Variants in DPP10 observed in about 807,000 individuals in gnomAD.
DPP10 encodes dipeptidyl peptidase like 10, also known as inactive dipeptidyl peptidase 10.
A neutral mutation model predicts 120.9 loss-of-function variants in DPP10; 33 were observed. The ratio of observed to expected loss-of-function variants is 0.27; its 90% confidence interval spans 0.21 to 0.37. The LOEUF (loss-of-function observed/expected upper bound fraction) is 0.37. Ranked by LOEUF, DPP10 falls within the 10% of genes least tolerant of loss-of-function variation. DPP10 has a pLI of 1.00. For synonymous variants in DPP10, 337 were observed against 326.1 expected, an observed-to-expected ratio of 1.03 and a Z score of -0.36; for missense variants, 816 against 942.8, an observed-to-expected ratio of 0.87 and a Z score of 1.76.
intron 1 of DPP10, among the ~76,000 whole-genome samples, chr2:114,594,087 T>C (rs969554846): frequency 6.6e-6 from 1 of 151,982 alleles, no homozygotes; most frequent in South Asian, 2.1e-4. Flanking sequence ...AACATTTGAG[T>C]CAGTGGGCTG....
chr2:114,971,943 C>T (rs755716360), intron 1 of DPP10, among the ~76,000 whole-genome samples: 5 of 152,220 alleles, frequency 3.3e-5, no homozygotes, highest in South Asian at 2.1e-4. Context: ...TGGATGGTGA[C>T]GAAAATCAAG....
intron 1 of DPP10, among the ~76,000 whole-genome samples, chr2:115,301,747 C>CT (rs1559388536): frequency 6.6e-6 from 1 of 151,834 alleles, no homozygotes; most frequent in South Asian, 2.1e-4. Context: ...TGTATTTTGT[C>CT]TTTTTTAGTA....
intron 2 of DPP10, among the ~76,000 whole-genome samples, chr2:115,316,350 C>T (rs183965370): frequency 3.7e-4 from 56 of 152,176 alleles, no homozygotes; most frequent in Admixed American, 3.5e-3. Flanking sequence ...TATTCTTGTG[C>T]CCATGGATGA....
chr2:115,294,461 T>G (rs2060795610), intron 1 of DPP10, among the ~76,000 whole-genome samples: 1 of 152,068 alleles, frequency 6.6e-6, no homozygotes, highest in Non-Finnish European at 1.5e-5. Context: ...CTTTTGTAAA[T>G]TTACATCTAG....
At chr2:115,307,530 C>T (rs761021848) in intron 1 of DPP10, among the ~76,000 whole-genome samples, 2 of 152,072 alleles carry the variant, frequency 1.3e-5, no homozygotes, top group Admixed American at 6.6e-5. Context: ...GGCCCAGATA[C>T]CCATTCGCTG....
At chr2:114,627,755 C>T (rs1348568559) in intron 1 of DPP10, among the ~76,000 whole-genome samples, 1 of 152,032 alleles carries the variant, frequency 6.6e-6, no homozygotes, top group Non-Finnish European at 1.5e-5. Flanking sequence ...ACCAGAAACT[C>T]CCTAGGTAGC....
intron 1 of DPP10, among the ~76,000 whole-genome samples, chr2:115,068,391 C>T (rs753049575): frequency 9.9e-5 from 15 of 151,930 alleles, no homozygotes; most frequent in South Asian, 2.1e-4. Flanking sequence ...CTGTCTCTTC[C>T]GATCCTTTGC....
chr2:115,652,413 G>GTATGTA (rs199775932), intron 5 of DPP10, among the ~76,000 whole-genome samples: 2 of 147,550 alleles, frequency 1.4e-5, no homozygotes, highest in African/African-American at 5.0e-5. Flanking sequence ...ATATATATGT[G>GTATGTA]TGTGTGTGTG....
In DPP10 at chr2:114,998,112, T is replaced by TA. The variant is rs574264716; in HGVS notation, c.61-311126dup. On this transcript the variant is annotated intron_variant, in intron 1 of 25. Transcript: ENST00000410059. The stretch of plus-strand genomic sequence containing the variant: ...TGATAAGCAATCATCTTCTTACACT[T>TA]ATTTGCACATAAGTACTTAACAGCA... Among the ~76,000 whole-genome samples the TA allele has an allele frequency of 1.4e-4, 22 of 152,292 alleles. No individual in the cohort carries two copies. The South Asian group carries it at 4.1e-3, about 29-fold the overall frequency.
chr2:115,142,764 A>C (rs2050999286), intron 1 of DPP10, among the ~76,000 whole-genome samples: 1 of 152,148 alleles, frequency 6.6e-6, no homozygotes, highest in Non-Finnish European at 1.5e-5. Flanking sequence ...AGGAAGAGAC[A>C]GCTACAGTGC....
intron 3 of DPP10, among the ~76,000 whole-genome samples, chr2:115,445,390 T>G (rs1476385357): frequency 6.6e-6 from 1 of 152,074 alleles, no homozygotes; most frequent in Non-Finnish European, 1.5e-5. Flanking sequence ...CAGGAAGATA[T>G]GGAAAAATTT....
At chr2:115,475,645 G>T (rs1326674103) in intron 3 of DPP10, among the ~76,000 whole-genome samples, 1 of 152,182 alleles carries the variant, frequency 6.6e-6, no homozygotes, top group Admixed American at 6.5e-5. Context: ...ATTTAGCCTG[G>T]AAGAGCCACA....
intron 1 of DPP10, among the ~76,000 whole-genome samples, chr2:114,891,528 G>C (rs1692543610): frequency 6.6e-6 from 1 of 152,210 alleles, no homozygotes; most frequent in Non-Finnish European, 1.5e-5. Flanking sequence ...CAAGTAGGCA[G>C]ACTTGCAGAA....
At chr2:114,478,494 G>A (rs1008018369) in intron 1 of DPP10, among the ~76,000 whole-genome samples, 1 of 151,982 alleles carries the variant, frequency 6.6e-6, no homozygotes, top group South Asian at 2.1e-4. Flanking sequence ...TTCCTCCTAA[G>A]GTTTGTAATA....
chr2:115,726,052 T>C (rs1385405141), intron 7 of DPP10, among the ~76,000 whole-genome samples: 3 of 152,192 alleles, frequency 2.0e-5, no homozygotes, highest in Non-Finnish European at 4.4e-5. Flanking sequence ...GCTTATTTCC[T>C]ATTTCATTGT....
chr2:114,783,442 A>G (rs1359564311), intron 1 of DPP10, among the ~76,000 whole-genome samples: 2 of 152,172 alleles, frequency 1.3e-5, no homozygotes, highest in African/African-American at 4.8e-5. Context: ...AGTGCGTTAA[A>G]ACAATTTACC....
chr2:114,574,890 G>A (rs557848147), intron 1 of DPP10, among the ~76,000 whole-genome samples: 3 of 152,286 alleles, frequency 2.0e-5, no homozygotes, highest in South Asian at 2.1e-4. Context: ...AGGGCACAGC[G>A]AGGCAGGCTG....
chr2:115,597,675 C>T (rs1214834590), intron 5 of DPP10, among the ~76,000 whole-genome samples: 2 of 151,458 alleles, frequency 1.3e-5, no homozygotes, highest in Non-Finnish European at 2.9e-5. Context: ...AACTGTAGTG[C>T]TCACTCCTCA....
chr2:115,739,105 T>C (rs555217260), intron 8 of DPP10, among the ~76,000 whole-genome samples: 5 of 152,176 alleles, frequency 3.3e-5, no homozygotes, highest in Middle Eastern at 3.4e-3. Flanking sequence ...TGAGGTAACA[T>C]TGTAGGATAG....
Sources: allele counts gnomAD v4.1 joint callset (sites outside exome capture counted in the v4.1 genomes callset), GRCh38; gene constraint gnomAD v4.1.1; transcripts MANE v1.5; gene names NCBI Gene and HGNC (gene_info 2026-07-23, HGNC 2026-07-21).